DPH7: variants seen among roughly 807,000 people sequenced by gnomAD.
DPH7 encodes diphthamide biosynthesis 7.
A neutral mutation model predicts 41.7 loss-of-function variants in DPH7; 44 were observed. The observed-to-expected ratio is 1.05, with a 90% CI of 0.83 to 1.36. DPH7 has a LOEUF of 1.36. Among genes scored for constraint, DPH7 ranks in the 40% most tolerant of loss-of-function variants. The probability of loss-of-function intolerance (pLI) is 0.00; values close to 1 mark genes in which losing one functional copy is unlikely to be tolerated. For synonymous variants in DPH7, 275 were observed against 238.0 expected (o/e 1.16, Z -1.43); for missense variants, 629 against 577.5 (o/e 1.09, Z -0.91).
At chr9:137,578,597 TC>T in intron 1 of DPH7, 27 bp downstream of exon 1, 1 of 727,770 alleles carries the variant, frequency 1.4e-6, no homozygotes, top group Non-Finnish European at 2.0e-6. Flanking sequence ...GGCCCCGCCC[TC>T]CCCTCCCGAA....
At chr9:137,573,040 G>T (rs1840714864) in intron 5 of DPH7, among the ~76,000 whole-genome samples, 1 of 152,172 alleles carries the variant, frequency 6.6e-6, no homozygotes, top group Non-Finnish European at 1.5e-5. Flanking sequence ...ACCCTGCACT[G>T]CCTGAGGCAA....
intron 5 of DPH7, among the ~76,000 whole-genome samples, chr9:137,573,069 A>G (rs978934684): frequency 6.6e-6 from 1 of 152,200 alleles, no homozygotes; most frequent in African/African-American, 2.4e-5. Flanking sequence ...TTGCTCTCTA[A>G]AGAATAAGTG....
intron 8 of DPH7, 65 bp from the exon 9 acceptor site, chr9:137,555,713 A>C: frequency 6.7e-7 from 1 of 1,500,474 alleles, no homozygotes; most frequent in Non-Finnish European, 8.9e-7. Context: ...CCAACCTGTC[A>C]CACCTGACAG....
chr9:137,562,004 G>A (rs559109894), intron 8 of DPH7, among the ~76,000 whole-genome samples: 42 of 152,206 alleles, frequency 2.8e-4, no homozygotes, highest in Non-Finnish European at 4.9e-4. Flanking sequence ...AGCTGGGACT[G>A]CAGGCACCCA....
chr9:137,574,627 G>T, intron 4 of DPH7, 125 bp downstream of exon 4: 2 of 964,196 alleles, frequency 2.1e-6, no homozygotes, highest in South Asian at 1.5e-5. Context: ...AGGACTGGCA[G>T]TGATGATGTC....
At position 137,564,953 on chromosome 9, in the gene DPH7, G is replaced by C; in HGVS notation, c.716C>G (p.Thr239Ser). ...GKFLFTSKRH[T>S]MGVCSIQSSP... ...GCTCTGGATGCTGCACACACCCATG[G>C]TGTGTCTGCAAGCAGAGGCGGCTTC... The change falls in exon 7 of 9, where the codon ACC becomes AGC. Residue 239 changes from threonine (T) to serine (S), a missense_variant. Thr to Ser is a moderately conservative substitution (Grantham distance 58, BLOSUM62 1). Transcript: ENST00000277540. 6.3e-7 allele frequency: 1 copy of C among 1,595,982 alleles called. No homozygotes were observed. Among genetic ancestry groups the C allele is most frequent in the Non-Finnish European group, 8.5e-7 (1 of 1,171,056 alleles).
intron 4 of DPH7, 40 bp downstream of exon 4, chr9:137,574,712 A>G: frequency 6.3e-7 from 1 of 1,592,694 alleles, no homozygotes; most frequent in Non-Finnish European, 8.6e-7. Context: ...AGTGGTTCTC[A>G]GAGAAAGACT....
chr9:137,575,963 A>G lies in DPH7; in HGVS notation c.375+117T>C, dbSNP rs900131974. 3.9e-6 allele frequency: 6 copies of G among 1,547,758 alleles called. No individual in the cohort carries two copies. The Admixed American group carries it at 1.1e-4, about 29-fold the overall frequency. On this transcript the variant is annotated intron_variant, in intron 3 of 8. Coordinates refer to ENST00000277540, the MANE Select transcript of DPH7 (RefSeq NM_138778.5). ...CCACATTATCTTAGAACGTTTATAT[A>G]TAGCTCACCATTGAAGAGAGATCGT...
chr9:137,569,476 T>C (rs1400979287), intron 5 of DPH7, among the ~76,000 whole-genome samples: 2 of 98,312 alleles, frequency 2.0e-5, no homozygotes, highest in Admixed American at 1.2e-4. Context: ...CATCCATCCA[T>C]CCATCCAACA....
At chr9:137,561,021 CAAAAAAAAAA>C (rs869251490) in intron 8 of DPH7, among the ~76,000 whole-genome samples, 3 of 80,678 alleles carry the variant, frequency 3.7e-5, no homozygotes, top group Non-Finnish European at 7.4e-5. Flanking sequence ...GACCCCATCT[CAAAAAAAAAA>C]AAAAAAAAAA....
chr9:137,573,360 CAAAAA>C (rs34523698), intron 5 of DPH7, among the ~76,000 whole-genome samples: 2 of 40,278 alleles, frequency 5.0e-5, no homozygotes, highest in Non-Finnish European at 4.3e-5. Flanking sequence ...GACTCCATCT[CAAAAA>C]AAAAAAAAAA....
chr9:137,577,340 G>C, intron 2 of DPH7, 130 bp downstream of exon 2: 2 of 927,330 alleles, frequency 2.2e-6, no homozygotes, highest in Admixed American at 2.1e-5. Context: ...GTGGAAGATA[G>C]GCGGGACAGC....
At chr9:137,573,647 C>A (rs1215021202) in intron 5 of DPH7, among the ~76,000 whole-genome samples, 3 of 123,348 alleles carry the variant, frequency 2.4e-5, no homozygotes, top group Non-Finnish European at 4.7e-5. Context: ...TGCATCACTG[C>A]ACTCCAGCCT....
intron 3 of DPH7, 97 bp from the exon 4 acceptor site, chr9:137,574,940 T>G: frequency 6.4e-7 from 1 of 1,568,662 alleles, no homozygotes; most frequent in South Asian, 1.2e-5. Flanking sequence ...GTTCCCTCAT[T>G]TACAACCTAT....
In DPH7 at chr9:137,556,869, G is replaced by A; in HGVS notation, c.950-1221C>T. On this transcript the variant is annotated intron_variant, in intron 8 of 8. Transcript: ENST00000277540. The surrounding 1 kb of genome is among the most constrained non-coding windows in gnomAD (Gnocchi z 5.2). The stretch of plus-strand genomic sequence containing the variant: ...AAGCCCTCAGAGAGCCACAGCCTGG[G>A]AAAAAGACAGCGAATGAGTGGACGG... 1 of 456,692 alleles carries A rather than the reference G, an allele frequency of 2.2e-6. No individual in the cohort carries two copies. The highest frequency in any genetic ancestry group is 1.5e-5 in the South Asian group (1 of 64,570). The allele number at this position is 456,692 out of a possible 1,614,324, so 28.3% of individuals were successfully genotyped here. A position where few individuals can be genotyped will look rare whatever the true frequency, so the allele number is the denominator to read the frequency against.
At chr9:137,558,099 G>A (rs1348288518) in intron 8 of DPH7, among the ~76,000 whole-genome samples, 1 of 152,114 alleles carries the variant, frequency 6.6e-6, no homozygotes, top group Non-Finnish European at 1.5e-5. Context: ...TTGTGCCATT[G>A]TATTCCAGCC....
At position 137,556,837 on chromosome 9, in the gene DPH7, A is replaced by G. The variant is rs1837589789; in HGVS notation, c.950-1189T>C. 1 of 456,566 alleles carries G rather than the reference A, an allele frequency of 2.2e-6. No homozygotes were observed. Among genetic ancestry groups the G allele is most frequent in the Non-Finnish European group, 4.4e-6 (1 of 226,970 alleles). 28.3% of individuals were successfully genotyped at this position (456,566 alleles called of 1,614,324 possible). A position where few individuals can be genotyped will look rare whatever the true frequency, so the allele number is the denominator to read the frequency against. ...ACAGCTTAGGAAAAGGTAATAAGGC[A>G]GAGTCTAAGCCCTCAGAGAGCCACA... On this transcript the variant is annotated intron_variant, in intron 8 of 8. Coordinates refer to ENST00000277540, the MANE Select transcript of DPH7 (RefSeq NM_138778.5). The surrounding 1 kb of genome is among the most constrained non-coding windows in gnomAD (Gnocchi z 5.2).
In DPH7 at chr9:137,558,062, G is replaced by A. The variant is rs1053048196; in HGVS notation, c.950-2414C>T. On this transcript the variant is annotated intron_variant, in intron 8 of 8. Transcript: ENST00000277540. ...GCAGCAGGAGAGTTGCTTGAACCCG[G>A]AAGGTGGGAGTTGCAGTGAGCTGAG... Among the ~76,000 whole-genome samples the A allele has an allele frequency of 6.6e-5, 10 of 152,082 alleles. No individual in the cohort carries two copies. The East Asian group carries it at 1.9e-3, about 29-fold the overall frequency.
intron 4 of DPH7, 30 bp from the exon 5 acceptor site, chr9:137,574,410 G>A (rs774498497): frequency 2.5e-5 from 40 of 1,604,106 alleles, no homozygotes; most frequent in South Asian, 5.5e-5. Context: ...GAAGAAGCCC[G>A]GCAGAATGTT....
Sources: gnomAD v4.1 joint callset for allele counts (sites outside exome capture counted in the v4.1 genomes callset) on GRCh38, gnomAD v4.1.1 for gene constraint, Gnocchi (gnomAD v3.1) non-coding constraint, MANE v1.5 for transcripts, NCBI Gene and HGNC (gene_info 2026-07-23, HGNC 2026-07-21) for gene names.